The following ANGPTL5 variants were observed in gnomAD, a reference collection of about 807,000 sequenced individuals.
ANGPTL5 encodes angiopoietin-related protein 5.
In ANGPTL5, 34 loss-of-function variants were observed where a neutral mutation model predicts 39.4. The ratio of observed to expected loss-of-function variants is 0.86; its 90% CI spans 0.66 to 1.15. The LOEUF (loss-of-function observed/expected upper bound fraction) is 1.15. Among genes scored for constraint, ANGPTL5 ranks in the 50% most tolerant of loss-of-function variants. The probability of loss-of-function intolerance (pLI) is 0.00; values close to 1 mark genes in which losing one functional copy is unlikely to be tolerated. For synonymous variants in ANGPTL5, 146 were observed against 152.1 expected (o/e 0.96, Z 0.29); for missense variants, 467 against 457.5 (o/e 1.02, Z -0.19).
At chr11:101,903,568 A>G (rs1055936110) in intron 5 of ANGPTL5, among the ~76,000 whole-genome samples, 1 of 152,144 alleles carries the variant, frequency 6.6e-6, no homozygotes, top group Non-Finnish European at 1.5e-5. Context: ...AGCACACCCA[A>G]ATAATGAAGA....
chr11:101,916,200 G>C lies in ANGPTL5; in HGVS notation c.-274C>G, dbSNP rs1208949498. 6.6e-6 allele frequency: 1 copy of C among 152,218 alleles called. No individual in the cohort carries two copies. Among genetic ancestry groups the C allele is most frequent in the Non-Finnish European group, 1.5e-5 (1 of 68,046 alleles). The allele number at this position is 152,218 out of a possible 1,614,324, so 9.4% of individuals were successfully genotyped here. Reference sequence around the variant, plus strand: ...TGTGTAATCATCTTCAGTCTTGTCAGAGATGAGTGTCTTCTCTTTCCAAGT... The same window carrying C: ...TGTGTAATCATCTTCAGTCTTGTCACAGATGAGTGTCTTCTCTTTCCAAGT... On this transcript the variant is annotated 5_prime_UTR_variant, in exon 1 of 9. Transcript: ENST00000334289.
At chr11:101,909,058 G>T (rs564535269) in intron 1 of ANGPTL5, among the ~76,000 whole-genome samples, 2 of 152,036 alleles carry the variant, frequency 1.3e-5, no homozygotes. Context: ...CTTCTGGTTC[G>T]AGACATTATT....
At position 101,915,240 on chromosome 11, in the gene ANGPTL5, A is replaced by AG. The variant is rs778562178; in HGVS notation, c.-93+778dup. 1.9e-6 allele frequency: 3 copies of AG among 1,609,260 alleles called. No individual in the cohort carries two copies. In the South Asian group the frequency reaches 3.3e-5, roughly 18 times the overall value. On this transcript the variant is annotated intron_variant, in intron 1 of 8. Coordinates refer to ENST00000334289, the MANE Select transcript of ANGPTL5 (RefSeq NM_178127.5). Reference sequence around the variant, plus strand: ...GGAGGAGGAAGCCGGAGCTGCCATGAGGGAGGTTCTGGGGGCGAGCAGACA... The same window carrying AG: ...GGAGGAGGAAGCCGGAGCTGCCATGAGGGGAGGTTCTGGGGGCGAGCAGACA...
At chr11:101,900,573 C>T (rs776569879) in intron 6 of ANGPTL5, 23 bp from the exon 7 acceptor site, 2 of 1,601,762 alleles carry the variant, frequency 1.2e-6, no homozygotes. Context: ...CAGAGAAGAC[C>T]AAAATAATAC....
At chr11:101,898,223 CA>C (rs899683723) in intron 7 of ANGPTL5, among the ~76,000 whole-genome samples, 53 of 146,564 alleles carry the variant, frequency 3.6e-4, no homozygotes, top group African/African-American at 8.5e-4. Context: ...AACTTCGTCT[CA>C]AAAAAAAAAA....
At chr11:101,906,076 CT>C in intron 3 of ANGPTL5, among the ~76,000 whole-genome samples, 1 of 152,178 alleles carries the variant, frequency 6.6e-6, no homozygotes, top group East Asian at 1.9e-4. Context: ...ATGCTTCCTA[CT>C]AATATAGATT....
intron 8 of ANGPTL5, 72 bp downstream of exon 8, chr11:101,894,807 T>C: frequency 7.3e-7 from 1 of 1,375,096 alleles, no homozygotes; most frequent in South Asian, 1.2e-5. Context: ...AATGCATTAT[T>C]TTTATCTTCA....
Position 101,894,772 on chromosome 11 carries a change from C to A in ANGPTL5, c.847+107G>T, listed in dbSNP as rs1469477305. The A allele has an allele frequency of 5.6e-6, 6 of 1,068,472 alleles. No homozygotes were observed. The African/African-American group carries it at 9.6e-5, about 17-fold the overall frequency. 66.2% of individuals were successfully genotyped at this position (1,068,472 alleles called of 1,614,324 possible). On this transcript the variant is annotated intron_variant, in intron 8 of 8. Coordinates refer to ENST00000334289, the MANE Select transcript of ANGPTL5 (RefSeq NM_178127.5). Reference sequence around the variant, plus strand: ...TCTTATTCCTAATCTATCCTGTTATCAGTTATGTGTTATATACAAAGACAA... The same window carrying A: ...TCTTATTCCTAATCTATCCTGTTATAAGTTATGTGTTATATACAAAGACAA...
At chr11:101,898,867 T>G (rs530371847) in intron 7 of ANGPTL5, among the ~76,000 whole-genome samples, 13 of 152,366 alleles carry the variant, frequency 8.5e-5, no homozygotes, top group Non-Finnish European at 1.6e-4. Context: ...AGTGTTGAAT[T>G]TATCAAAGGG....
chr11:101,914,623 G>C lies in ANGPTL5; in HGVS notation c.-93+1396C>G, dbSNP rs533464809. ...AGACATTTTAAAGAGACGGTGTTTGGGGATGATGATGCCACAGAAAGACTC... is the reference window on the plus strand; with the variant it reads ...AGACATTTTAAAGAGACGGTGTTTGCGGATGATGATGCCACAGAAAGACTC... On this transcript the variant is annotated intron_variant, in intron 1 of 8. Transcript: ENST00000334289. Among the ~76,000 whole-genome samples the C allele has an allele frequency of 6.9e-4, 105 of 152,268 alleles. 1 individual carries two copies. Among genetic ancestry groups the C allele is most frequent in the Non-Finnish European group, 1.1e-3 (76 of 68,008 alleles).
chr11:101,900,071 C>A (rs1939866727), intron 7 of ANGPTL5, among the ~76,000 whole-genome samples: 1 of 152,154 alleles, frequency 6.6e-6, no homozygotes, highest in Non-Finnish European at 1.5e-5. Flanking sequence ...AGATACAACA[C>A]ACCTCTCAAG....
chr11:101,907,283 A>T, intron 2 of ANGPTL5, 36 bp from the exon 3 acceptor site: 1 of 1,291,350 alleles, frequency 7.7e-7, no homozygotes, highest in Non-Finnish European at 1.1e-6. Flanking sequence ...AAAAAAATAC[A>T]TTAAACATGT....
intron 1 of ANGPTL5, among the ~76,000 whole-genome samples, chr11:101,912,853 G>A (rs917959045): frequency 3.3e-5 from 5 of 152,130 alleles, no homozygotes; most frequent in South Asian, 2.1e-4. Context: ...CAGGATTAAC[G>A]TTAAAGTAGA....
chr11:101,892,118 A>G (rs554766328), intron 8 of ANGPTL5, among the ~76,000 whole-genome samples: 1 of 152,212 alleles, frequency 6.6e-6, no homozygotes, highest in South Asian at 2.1e-4. Flanking sequence ...ATTCAGATAT[A>G]CTGTTGAGGT....
chr11:101,908,673 G>C (rs948894498), intron 1 of ANGPTL5, among the ~76,000 whole-genome samples: 2 of 151,650 alleles, frequency 1.3e-5, no homozygotes, highest in African/African-American at 4.8e-5. Flanking sequence ...CCAGCTGCTA[G>C]GGAGGCTGAG....
chr11:101,897,896 T>C, intron 7 of ANGPTL5, among the ~76,000 whole-genome samples: 1 of 152,144 alleles, frequency 6.6e-6, no homozygotes, highest in East Asian at 1.9e-4. Flanking sequence ...GTGAAGAAAG[T>C]CAATGGTAGC....
chr11:101,905,652 A>G, intron 4 of ANGPTL5, 92 bp downstream of exon 4: 1 of 867,670 alleles, frequency 1.2e-6, no homozygotes, highest in Non-Finnish European at 1.9e-6. Context: ...AGATGTCTGA[A>G]CATGAATGCA....
chr11:101,893,131 T>A (rs1056447423), intron 8 of ANGPTL5, among the ~76,000 whole-genome samples: 1 of 152,238 alleles, frequency 6.6e-6, no homozygotes, highest in Non-Finnish European at 1.5e-5. Context: ...GAGATTTTAT[T>A]TAATTCATTT....
intron 3 of ANGPTL5, among the ~76,000 whole-genome samples, chr11:101,906,843 G>T (rs867116302): frequency 6.6e-6 from 1 of 151,948 alleles, no homozygotes; most frequent in South Asian, 2.1e-4. Flanking sequence ...TGTCTTAATA[G>T]GTCTAAAGCT....
Sources: gnomAD v4.1 joint callset for allele counts (sites outside exome capture counted in the v4.1 genomes callset) on GRCh38, gnomAD v4.1.1 for gene constraint, MANE v1.5 for transcripts, NCBI Gene and HGNC (gene_info 2026-07-23, HGNC 2026-07-21) for gene names.